Variants in PTPRD observed in about 807,000 individuals in gnomAD.
PTPRD encodes receptor-type tyrosine-protein phosphatase delta.
A neutral mutation model predicts 214.5 loss-of-function variants in PTPRD; 34 were observed. That is an observed-to-expected ratio of 0.16 (90% CI 0.12 to 0.21). The LOEUF is 0.21. Ranked by LOEUF, PTPRD falls within the 10% of genes least tolerant of loss-of-function variation. PTPRD has a pLI of 1.00. For synonymous variants in PTPRD, 1,128 were observed against 845.7 expected, an observed-to-expected ratio of 1.33 and a Z score of -5.79; for missense variants, 2,545 against 2,398.7, an observed-to-expected ratio of 1.06 and a Z score of -1.27.
intron 3 of PTPRD, among the ~76,000 whole-genome samples, chr9:10,260,246 G>T (rs1450098359): frequency 2.0e-5 from 3 of 152,182 alleles, no homozygotes; most frequent in Non-Finnish European, 2.9e-5. Context: ...ATGTGGGTCA[G>T]TACCAAATAC....
intron 5 of PTPRD, among the ~76,000 whole-genome samples, chr9:9,908,433 AC>A (rs1027393840): frequency 3.3e-5 from 5 of 151,978 alleles, no homozygotes; most frequent in African/African-American, 1.2e-4. Flanking sequence ...CTGGATCCAC[AC>A]CTTGTTAAGG....
chr9:8,830,304 G>A (rs1426867795), intron 11 of PTPRD, among the ~76,000 whole-genome samples: 3 of 152,000 alleles, frequency 2.0e-5, no homozygotes, highest in Non-Finnish European at 4.4e-5. Flanking sequence ...AGCTTGCTTA[G>A]TATAAATTTG....
chr9:9,569,201 G>C (rs551880582), intron 8 of PTPRD, among the ~76,000 whole-genome samples: 2 of 151,566 alleles, frequency 1.3e-5, no homozygotes, highest in Admixed American at 6.6e-5. Flanking sequence ...TGATACGCTA[G>C]TCATTTGCGA....
At chr9:8,987,996 G>A (rs189674066) in intron 11 of PTPRD, among the ~76,000 whole-genome samples, 3 of 151,834 alleles carry the variant, frequency 2.0e-5, no homozygotes, top group Admixed American at 6.6e-5. Flanking sequence ...TATGAGGGAA[G>A]TGGAGTGAAA....
intron 12 of PTPRD, among the ~76,000 whole-genome samples, chr9:8,719,756 T>C (rs1223780692): frequency 6.6e-6 from 1 of 152,080 alleles, no homozygotes; most frequent in African/African-American, 2.4e-5. Flanking sequence ...TGCTGACCTC[T>C]GGTCAAAAGG....
chr9:9,798,809 A>G (rs2099020467), intron 5 of PTPRD, among the ~76,000 whole-genome samples: 1 of 152,220 alleles, frequency 6.6e-6, no homozygotes, highest in African/African-American at 2.4e-5. Flanking sequence ...AAAATCAGGT[A>G]GAGGTCTTAG....
intron 8 of PTPRD, among the ~76,000 whole-genome samples, chr9:9,486,840 T>G (rs1214331493): frequency 6.6e-6 from 1 of 152,148 alleles, no homozygotes; most frequent in Non-Finnish European, 1.5e-5. Context: ...TGTTCTTTTG[T>G]CTGTATTCAA....
chr9:9,263,559 C>A (rs2132277205), intron 9 of PTPRD, among the ~76,000 whole-genome samples: 1 of 151,716 alleles, frequency 6.6e-6, no homozygotes, highest in East Asian at 2.0e-4. Context: ...ATTCTTGGTA[C>A]TTAGTATGGT....
At chr9:8,838,579 A>T (rs2154531989) in intron 11 of PTPRD, among the ~76,000 whole-genome samples, 1 of 152,242 alleles carries the variant, frequency 6.6e-6, no homozygotes, top group East Asian at 1.9e-4. Flanking sequence ...AGAGAAAACA[A>T]CTTATTGATT....
chr9:9,385,116 G>C (rs909563630), intron 9 of PTPRD, among the ~76,000 whole-genome samples: 11 of 152,006 alleles, frequency 7.2e-5, no homozygotes, highest in Non-Finnish European at 1.6e-4. Flanking sequence ...CCAGGATGTA[G>C]ACATAATATC....
At chr9:8,356,888 C>T (rs1188729386) in intron 39 of PTPRD, among the ~76,000 whole-genome samples, 2 of 152,060 alleles carry the variant, frequency 1.3e-5, no homozygotes, top group African/African-American at 4.8e-5. Context: ...GAAATTACAG[C>T]ACTTATAGTT....
At chr9:10,523,127 T>A (rs1284133902) in intron 2 of PTPRD, among the ~76,000 whole-genome samples, 7 of 152,032 alleles carry the variant, frequency 4.6e-5, no homozygotes, top group Non-Finnish European at 1.0e-4. Flanking sequence ...AAAAATAAAA[T>A]CAGAGTGGTA....
intron 10 of PTPRD, among the ~76,000 whole-genome samples, chr9:9,058,572 C>G (rs896059698): frequency 2.7e-5 from 4 of 148,960 alleles, no homozygotes; most frequent in Non-Finnish European, 5.9e-5. Context: ...GCCTCAGCCT[C>G]CCGAGTAGCT....
chr9:8,393,540 C>G (rs1346076511), intron 36 of PTPRD, among the ~76,000 whole-genome samples: 1 of 152,088 alleles, frequency 6.6e-6, no homozygotes, highest in African/African-American at 2.4e-5. Context: ...CACATTGGCC[C>G]TGCTGCAGGA....
At chr9:8,567,520 T>C (rs2089718672) in intron 14 of PTPRD, among the ~76,000 whole-genome samples, 1 of 152,202 alleles carries the variant, frequency 6.6e-6, no homozygotes, top group Non-Finnish European at 1.5e-5. Context: ...CCTGAGTTCT[T>C]TGAGGAATGG....
chr9:10,562,463 A>T (rs2131576367), intron 2 of PTPRD, among the ~76,000 whole-genome samples: 1 of 152,234 alleles, frequency 6.6e-6, no homozygotes, highest in Non-Finnish European at 1.5e-5. Context: ...TAATAATAAA[A>T]GTTGAAAGTT....
At chr9:10,492,969 G>A (rs565819542) in intron 2 of PTPRD, among the ~76,000 whole-genome samples, 5 of 152,108 alleles carry the variant, frequency 3.3e-5, no homozygotes, top group African/African-American at 7.2e-5. Context: ...TAGACAAATA[G>A]CCACATAATA....
intron 11 of PTPRD, among the ~76,000 whole-genome samples, chr9:8,813,347 A>G (rs149427576): frequency 6.6e-6 from 1 of 152,304 alleles, no homozygotes; most frequent in East Asian, 1.9e-4. Flanking sequence ...AAGGACCTCA[A>G]AAGTTTGAAA....
intron 10 of PTPRD, among the ~76,000 whole-genome samples, chr9:9,104,914 T>C (rs553850153): frequency 6.6e-6 from 1 of 152,224 alleles, no homozygotes; most frequent in South Asian, 2.1e-4. Flanking sequence ...GTGTGATAAG[T>C]GTGAGATAGG....
Sources: gnomAD v4.1 joint callset for allele counts (sites outside exome capture counted in the v4.1 genomes callset) on GRCh38, gnomAD v4.1.1 for gene constraint, MANE v1.5 for transcripts, NCBI Gene and HGNC (gene_info 2026-07-23, HGNC 2026-07-21) for gene names.